Variants in TUBB8B observed in about 807,000 individuals in gnomAD.
The protein encoded by TUBB8B is HSA18p11 beta-tubulin 4Q pseudogene.
TUBB8B carries 26 observed loss-of-function variants against 31.9 expected under a neutral mutation model. The observed-to-expected ratio is 0.81, with a 90% CI of 0.60 to 1.13. The LOEUF is 1.13. Ranked by LOEUF, TUBB8B falls within the 50% of genes most tolerant of loss-of-function variation. TUBB8B has a pLI of 0.00. For missense variants in TUBB8B, 467 were observed against 586.7 expected, an observed-to-expected ratio of 0.80 and a Z score of 2.11; for synonymous variants, 173 against 231.0, an observed-to-expected ratio of 0.75 and a Z score of 2.28.
At chr18:57,885 A>G in the TUBB8B span, among the ~76,000 whole-genome samples, 1 of 151,990 alleles carries the variant, frequency 6.6e-6, no homozygotes. Flanking sequence ...GCCTAACACC[A>G]TATGAAAGCT....
Position 47,986 on chromosome 18 carries a change from T to C in TUBB8B, c.739A>G (p.Asn247Asp). The change falls in exon 4 of 4, where the codon AAT becomes GAT. Residue 247 changes from asparagine to aspartate, a missense_variant. Physicochemically the swap from Asn to Asp is conservative, Grantham distance 23. Around this residue, in one of 2 missense-constraint regions of TUBB8B, gnomAD observed 259 missense variants for 380.1 expected, o/e 0.68. Transcript: ENST00000308911. The part of the protein sequence containing the change: ...TTCLRFPGQL[N>D]ADLRKLAVNM... ...ACGGCCAGCTTCCGCAGGTCAGCAT[T>C]CAGCTGGCCTGGGAAGCGCAGGCAT... 1 of 1,612,056 alleles carries C rather than the reference T, an allele frequency of 6.2e-7. No individual in the cohort carries two copies. The highest frequency in any genetic ancestry group is 8.5e-7 in the Non-Finnish European group (1 of 1,179,936).
intron 2 of TUBB8B, 37 bp from the exon 3 acceptor site, chr18:49,087 C>G: frequency 6.5e-7 from 1 of 1,549,210 alleles, no homozygotes; most frequent in Non-Finnish European, 8.9e-7. Context: ...AGGGGAGGGC[C>G]GCGTTCCCAG....
At chr18:50,048 G>A (rs1332341042), upstream of TUBB8B, 1 of 382,282 alleles carries the variant, frequency 2.6e-6, no homozygotes, top group Non-Finnish European at 5.2e-6. Flanking sequence ...TTTTACTTTG[G>A]AGCAGTTCAA....
chr18:66,996 G>GTT, the TUBB8B span, among the ~76,000 whole-genome samples: 17,578 of 139,556 alleles, frequency 0.13, 1,214 homozygotes, highest in South Asian at 0.17. Flanking sequence ...TGTTTTTTTT[G>GTT]TTTTTTTTTT....
At position 47,883 on chromosome 18, in the gene TUBB8B, T is replaced by C. The variant is rs770485135; in HGVS notation, c.842A>G (p.Tyr281Cys). ...APLTSRGSQQ[Y>C]RALTVAELTQ... ...GAGCTCAGCCACAGTCAAGGCCCGGTACTGCTGGCTGCCCCGGCTGGTCAG... is the reference window on the plus strand; with the variant it reads ...GAGCTCAGCCACAGTCAAGGCCCGGCACTGCTGGCTGCCCCGGCTGGTCAG... The change falls in exon 4 of 4, where the codon TAC (tyrosine) becomes TGC (cysteine). Residue 281 changes from tyrosine to cysteine, a missense_variant. Around this residue, in one of 2 missense-constraint regions of TUBB8B, gnomAD observed 259 missense variants for 380.1 expected, o/e 0.68. Transcript: ENST00000308911. The C allele has an allele frequency of 1.9e-6, 3 of 1,611,318 alleles. No individual in the cohort carries two copies. The East Asian group carries it at 6.7e-5, about 36-fold the overall frequency.
the TUBB8B span, among the ~76,000 whole-genome samples, chr18:59,333 T>C: frequency 5.3e-5 from 8 of 151,712 alleles, no homozygotes; most frequent in East Asian, 1.9e-4. Flanking sequence ...AAAGTGGATA[T>C]TCTTGTCATC....
chr18:52,870 TCTAA>T (rs1226916900), upstream of TUBB8B, among the ~76,000 whole-genome samples: 7 of 151,748 alleles, frequency 4.6e-5, no homozygotes, highest in African/African-American at 1.7e-4. Context: ...GTGTCTCTAC[TCTAA>T]CTATAAAGAG....
At chr18:63,375 A>C in the TUBB8B span, among the ~76,000 whole-genome samples, 4 of 151,748 alleles carry the variant, frequency 2.6e-5, no homozygotes, top group Non-Finnish European at 5.9e-5. Context: ...GATTAACATT[A>C]AGAAAAATTC....
chr18:51,022 G>A (rs368503886), upstream of TUBB8B, among the ~76,000 whole-genome samples: 1 of 151,878 alleles, frequency 6.6e-6, no homozygotes, highest in African/African-American at 2.4e-5. Flanking sequence ...TGGAATCAGT[G>A]TAAATGTTAA....
At chr18:64,582 G>A in the TUBB8B span, among the ~76,000 whole-genome samples, 1 of 151,926 alleles carries the variant, frequency 6.6e-6, no homozygotes, top group Non-Finnish European at 1.5e-5. Flanking sequence ...AAAAATAGTT[G>A]GGCATGTTGG....
the TUBB8B span, among the ~76,000 whole-genome samples, chr18:62,655 TTG>T: frequency 6.6e-6 from 1 of 151,750 alleles, no homozygotes; most frequent in African/African-American, 2.4e-5. Flanking sequence ...TCTCTTGACC[TTG>T]TGATCCACCC....
chr18:50,465 G>A (rs1369403574), upstream of TUBB8B: 1 of 153,132 alleles, frequency 6.5e-6, no homozygotes, highest in African/African-American at 2.4e-5. Flanking sequence ...TGGAGAAGGA[G>A]AAAATTGCTG....
the TUBB8B span, among the ~76,000 whole-genome samples, chr18:61,103 T>C: frequency 3.3e-5 from 5 of 151,668 alleles, no homozygotes; most frequent in African/African-American, 9.7e-5. Context: ...TTAGCTCTTA[T>C]AGTATTTGCT....
At chr18:60,604 T>G in the TUBB8B span, among the ~76,000 whole-genome samples, 2 of 151,796 alleles carry the variant, frequency 1.3e-5, no homozygotes, top group African/African-American at 4.8e-5. Flanking sequence ...GTTATAAATT[T>G]TCCTTTTATA....
Position 48,248 on chromosome 18 carries a change from G to T in TUBB8B, c.477C>A (p.Tyr159Ter). The T allele has an allele frequency of 6.2e-7, 1 of 1,612,450 alleles. No homozygotes were observed. The highest frequency in any genetic ancestry group is 8.5e-7 in the Non-Finnish European group (1 of 1,178,588). ...TLLISKIREE[Y>*]PDRIINTFSI... is the part of the protein sequence containing the mutation. ...TGAATGTGTTTATGATCCTGTCTGG[G>T]TACTCCTCCCGGATCTTACTAATGA... Residue 159 changes from tyrosine to a stop codon, truncating the protein, a stop_gained, in exon 4 of 4, where the codon TAC becomes TAA. Transcript: ENST00000308911. LOFTEE classifies it high-confidence loss of function.
At chr18:50,594 G>T (rs1906053251), upstream of TUBB8B, 1 of 152,282 alleles carries the variant, frequency 6.6e-6, no homozygotes, top group African/African-American at 2.4e-5. Flanking sequence ...ATCCCTTCTA[G>T]GGTGAAAAGA....
the TUBB8B span, among the ~76,000 whole-genome samples, chr18:70,235 A>T: frequency 6.6e-6 from 1 of 152,248 alleles, no homozygotes; most frequent in Non-Finnish European, 1.5e-5. Flanking sequence ...GTGATTTCCT[A>T]GTAAAAATAC....
chr18:70,310 G>A, the TUBB8B span, among the ~76,000 whole-genome samples: 670 of 152,172 alleles, frequency 4.4e-3, no homozygotes, highest in African/African-American at 0.015. Context: ...AGAAAAGCTT[G>A]GAGTGACCCT....
chr18:53,365 G>T (rs1906185022), upstream of TUBB8B, among the ~76,000 whole-genome samples: 1 of 151,902 alleles, frequency 6.6e-6, no homozygotes, highest in Admixed American at 6.6e-5. Context: ...GATTTCTCAA[G>T]ATTGGATATA....
Sources: allele counts gnomAD v4.1 joint callset (sites outside exome capture counted in the v4.1 genomes callset), GRCh38; gene constraint gnomAD v4.1.1; regional missense constraint gnomAD v4.1.1; transcripts MANE v1.5; gene names NCBI Gene and HGNC (gene_info 2026-07-23, HGNC 2026-07-21).